The following HNRNPUL1 variants were observed in gnomAD, a reference collection of about 807,000 sequenced individuals.
HNRNPUL1 encodes the protein heterogeneous nuclear ribonucleoprotein U-like protein 1.
A neutral mutation model predicts 108.5 loss-of-function variants in HNRNPUL1; 14 were observed. The observed-to-expected ratio is 0.13, with a 90% CI of 0.09 to 0.20. The LOEUF (loss-of-function observed/expected upper bound fraction) is 0.20. Among genes scored for constraint, HNRNPUL1 ranks in the 10% least tolerant of loss-of-function variants. HNRNPUL1 has a pLI of 1.00. For missense variants in HNRNPUL1, 804 were observed against 1,168.3 expected (o/e 0.69, Z 4.55); for synonymous variants, 422 against 445.2 (o/e 0.95, Z 0.66).
chr19:41,301,231 G>A lies in HNRNPUL1; in HGVS notation c.1519-305G>A, dbSNP rs557426005. ...ATTTTTTTACCAAGAGTATGTATTAGCTTTTAGAATAGGGAAAAGAAATTG... is the reference window on the plus strand; with the variant it reads ...ATTTTTTTACCAAGAGTATGTATTAACTTTTAGAATAGGGAAAAGAAATTG... On this transcript the variant is annotated intron_variant, in intron 10 of 14. Transcript: ENST00000392006. Among the ~76,000 whole-genome samples, 184 of 152,286 alleles carry A rather than the reference G, an allele frequency of 1.2e-3. 2 individuals are homozygous for A. The highest frequency in any genetic ancestry group is 2.4e-3 in the Admixed American group (36 of 15,296).
intron 12 of HNRNPUL1, 66 bp from the exon 13 acceptor site, chr19:41,303,903 GACA>G: frequency 6.5e-7 from 1 of 1,548,266 alleles, no homozygotes. Flanking sequence ...TAGTCACCAA[GACA>G]ACCCAGTTCC....
chr19:41,276,116 C>T, intron 4 of HNRNPUL1, 43 bp from the exon 5 acceptor site: 1 of 1,612,966 alleles, frequency 6.2e-7, no homozygotes, highest in Non-Finnish European at 8.5e-7. Flanking sequence ...GAAAACAAAA[C>T]AAAATAAAAA....
At chr19:41,288,425 G>T (rs1449746775) in intron 7 of HNRNPUL1, among the ~76,000 whole-genome samples, 1 of 151,862 alleles carries the variant, frequency 6.6e-6, no homozygotes, top group East Asian at 1.9e-4. Flanking sequence ...TGTAGTTTTA[G>T]TAGAGACAGG....
rs565236916 is a variant in HNRNPUL1, at chr19:41,291,018, C to T, written c.1000-1227C>T. Among the ~76,000 whole-genome samples the T allele has an allele frequency of 3.9e-5, 6 of 152,316 alleles. No homozygotes were observed. The East Asian group carries it at 1.2e-3, about 29-fold the overall frequency. ...CCGAGATTGCGCCATTGCACTCCAGCCTGGGCAACAAGAGTGAAATTCCGT... is the reference window on the plus strand; with the variant it reads ...CCGAGATTGCGCCATTGCACTCCAGTCTGGGCAACAAGAGTGAAATTCCGT... On this transcript the variant is annotated intron_variant, in intron 7 of 14. Transcript: ENST00000392006.
At chr19:41,301,762 TC>T in intron 11 of HNRNPUL1, 58 bp downstream of exon 11, 5 of 1,463,514 alleles carry the variant, frequency 3.4e-6, no homozygotes, top group Non-Finnish European at 4.6e-6. Context: ...GAGAAGAAGC[TC>T]TTTACTCAGT....
chr19:41,282,834 C>T (rs1179851491), intron 7 of HNRNPUL1, among the ~76,000 whole-genome samples: 1 of 149,280 alleles, frequency 6.7e-6, no homozygotes, highest in Non-Finnish European at 1.5e-5. Flanking sequence ...GGACTACAGG[C>T]GCCCGCCACT....
chr19:41,287,684 C>T (rs961665216), intron 7 of HNRNPUL1, among the ~76,000 whole-genome samples: 3 of 152,012 alleles, frequency 2.0e-5, no homozygotes, highest in Non-Finnish European at 4.4e-5. Context: ...CTCAGCCGCC[C>T]GAGTAGCTGG....
At position 41,294,901 on chromosome 19, in the gene HNRNPUL1, T is replaced by G. The variant is rs533741386; in HGVS notation, c.1518+215T>G. On this transcript the variant is annotated intron_variant, in intron 10 of 14. Coordinates refer to ENST00000392006, the MANE Select transcript of HNRNPUL1 (RefSeq NM_007040.6). This position sits in a 1 kb window ranked among gnomAD's most constrained non-coding sequence, Gnocchi z 4.3. ...ATCTAGGCCTACTTACTCAGACTCA[T>G]CAGCAGCCCCAAAGAACATCAGGTA... Among the ~76,000 whole-genome samples, 3 of 152,312 alleles carry G rather than the reference T, an allele frequency of 2.0e-5. No homozygotes were observed. In the East Asian group the frequency reaches 5.8e-4, roughly 29 times the overall value.
chr19:41,289,239 C>T (rs1397177738), intron 7 of HNRNPUL1, among the ~76,000 whole-genome samples: 2 of 152,202 alleles, frequency 1.3e-5, no homozygotes, highest in Admixed American at 6.5e-5. Context: ...GATACCACAA[C>T]TTTAAAAAGG....
At chr19:41,280,519 A>G (rs2035842866) in intron 6 of HNRNPUL1, among the ~76,000 whole-genome samples, 1 of 152,160 alleles carries the variant, frequency 6.6e-6, no homozygotes, top group Non-Finnish European at 1.5e-5. Context: ...GGATGGGGAA[A>G]CAGCCCAGGA....
chr19:41,286,184 CTT>C (rs140121122), intron 7 of HNRNPUL1, among the ~76,000 whole-genome samples: 2 of 143,430 alleles, frequency 1.4e-5, no homozygotes. Flanking sequence ...CTAACTTTTC[CTT>C]TTTTTTTTTT....
intron 8 of HNRNPUL1, among the ~76,000 whole-genome samples, chr19:41,293,466 C>T (rs1599834160): frequency 6.6e-6 from 1 of 152,120 alleles, no homozygotes; most frequent in African/African-American, 2.4e-5. Context: ...AGGGAATGAA[C>T]GTCATTCTTA....
intron 13 of HNRNPUL1, 118 bp downstream of exon 13, chr19:41,304,379 T>A: frequency 6.8e-7 from 1 of 1,480,370 alleles, no homozygotes; most frequent in Non-Finnish European, 9.0e-7. Flanking sequence ...TGGTCTTCAC[T>A]CTAACCTCTA....
In HNRNPUL1 at chr19:41,306,762, A is replaced by T. The variant is rs901939097; in HGVS notation, c.*197A>T. ...GGGCCAGGCATTTTTTTCTGGATTC[A>T]AACAGGCAACAATGACCTTTTATTT... On this transcript the variant is annotated 3_prime_UTR_variant, in exon 15 of 15. Coordinates refer to ENST00000392006, the MANE Select transcript of HNRNPUL1 (RefSeq NM_007040.6). 4.9e-6 allele frequency: 2 copies of T among 405,176 alleles called. No individual in the cohort carries two copies. Among genetic ancestry groups the T allele is most frequent in the Non-Finnish European group, 4.4e-6 (1 of 228,054 alleles). The allele number at this position is 405,176 out of a possible 1,614,324, so 25.1% of individuals were successfully genotyped here.
intron 5 of HNRNPUL1, among the ~76,000 whole-genome samples, chr19:41,277,415 A>C (rs1309418060): frequency 6.6e-6 from 1 of 152,216 alleles, no homozygotes; most frequent in Non-Finnish European, 1.5e-5. Flanking sequence ...TGACCACGAC[A>C]CCATTGATGT....
chr19:41,265,881 G>A (rs1304343934), intron 1 of HNRNPUL1, among the ~76,000 whole-genome samples: 1 of 152,038 alleles, frequency 6.6e-6, no homozygotes, highest in African/African-American at 2.4e-5. Flanking sequence ...GGAGCAAAGA[G>A]AAAGAAACCT....
intron 3 of HNRNPUL1, among the ~76,000 whole-genome samples, chr19:41,273,651 T>A (rs2035374533): frequency 6.6e-6 from 1 of 152,082 alleles, no homozygotes; most frequent in Non-Finnish European, 1.5e-5. Flanking sequence ...GTAACAGAGA[T>A]CAGTGTGGAA....
intron 12 of HNRNPUL1, 51 bp from the exon 13 acceptor site, chr19:41,303,921 G>T: frequency 6.4e-7 from 1 of 1,567,916 alleles, no homozygotes; most frequent in Non-Finnish European, 8.7e-7. Flanking sequence ...AGTTCCCTGG[G>T]GTTGCCATTT....
Position 41,273,979 on chromosome 19 carries a change from C to T in HNRNPUL1, c.573-3C>T, listed in dbSNP as rs199908313. The T allele has an allele frequency of 8.4e-4, 1,361 of 1,613,154 alleles. 11 individuals carry two copies. The African/African-American group carries it at 0.016, about 19-fold the overall frequency. On this transcript the variant is annotated splice_polypyrimidine_tract_variant and splice_region_variant and intron_variant, in intron 3 of 14. Transcript: ENST00000392006. ...TATGACTTAACCCCTGTTTCTAATA[C>T]AGGGGCCGCTCTCCTCAGCCTCCTG...
Sources: gnomAD v4.1 joint callset for allele counts (sites outside exome capture counted in the v4.1 genomes callset) on GRCh38, gnomAD v4.1.1 for gene constraint, Gnocchi (gnomAD v3.1) non-coding constraint, MANE v1.5 for transcripts, NCBI Gene and HGNC (gene_info 2026-07-23, HGNC 2026-07-21) for gene names.